The following FAM114A1 variants were observed in gnomAD, a reference collection of about 807,000 sequenced individuals.
FAM114A1 encodes the protein family with sequence similarity 114 member A1, also known as protein NOXP20.
In FAM114A1, 62 loss-of-function variants were observed where a neutral mutation model predicts 64.3. That is an observed-to-expected ratio of 0.96 (90% CI 0.79 to 1.19). FAM114A1 has a LOEUF of 1.19. Ranked by LOEUF, FAM114A1 falls within the 50% of genes most tolerant of loss-of-function variation. FAM114A1 has a pLI of 0.00. For missense variants in FAM114A1, 645 were observed against 676.3 expected, an observed-to-expected ratio of 0.95 and a Z score of 0.51; for synonymous variants, 254 against 251.1, an observed-to-expected ratio of 1.01 and a Z score of -0.11.
intron 4 of FAM114A1, 117 bp downstream of exon 4, chr4:38,891,947 T>C (rs1716452503): frequency 2.5e-6 from 2 of 790,648 alleles, no homozygotes; most frequent in Admixed American, 6.9e-5. Context: ...AAACCATGTT[T>C]AGTGCTTACT....
chr4:38,877,972 A>AG, intron 2 of FAM114A1, 99 bp from the exon 3 acceptor site: 7 of 1,071,504 alleles, frequency 6.5e-6, no homozygotes, highest in Non-Finnish European at 7.9e-6. Flanking sequence ...CTCAAAAAAA[A>AG]AAAAAAAGTT....
intron 6 of FAM114A1, among the ~76,000 whole-genome samples, chr4:38,906,736 C>T (rs1352129738): frequency 2.6e-5 from 4 of 152,032 alleles, no homozygotes; most frequent in African/African-American, 7.2e-5. Context: ...GGTTTCACCA[C>T]GTTGGCCAGG....
Position 38,943,692 on chromosome 4 carries a change from A to G in FAM114A1, c.*135A>G. 1.7e-6 allele frequency: 1 copy of G among 589,600 alleles called. No individual in the cohort carries two copies. Among genetic ancestry groups the G allele is most frequent in the Non-Finnish European group, 3.1e-6 (1 of 327,702 alleles). 36.5% of individuals were successfully genotyped at this position (589,600 alleles called of 1,614,324 possible). On this transcript the variant is annotated 3_prime_UTR_variant, in exon 15 of 15. Coordinates refer to ENST00000358869, the MANE Select transcript of FAM114A1 (RefSeq NM_138389.4). ...CACTACAAGCAATTTTGCACAGACAATATTGAGAATGCAAATTTAGAGAGA... is the reference window on the plus strand; with the variant it reads ...CACTACAAGCAATTTTGCACAGACAGTATTGAGAATGCAAATTTAGAGAGA...
Position 38,908,685 on chromosome 4 carries a change from C to T in FAM114A1, c.751C>T (p.Arg251Trp), listed in dbSNP as rs1030815119. 9 of 1,612,692 alleles carry T rather than the reference C, an allele frequency of 5.6e-6. No individual in the cohort carries two copies. Among genetic ancestry groups the T allele is most frequent in the Non-Finnish European group, 7.6e-6 (9 of 1,178,946 alleles). The stretch of plus-strand genomic sequence containing the variant: ...TGCAGAAAGTGACCCGGGCTTTAAG[C>T]GGACCAAGACGCTCATGGAGAGAAC... Reference protein sequence around the residue: ...VLAESDPGFKRTKTLMERTVS... With the variant: ...VLAESDPGFKWTKTLMERTVS... The change falls in exon 7 of 15, where the codon CGG becomes TGG. Residue 251 changes from arginine to tryptophan, a missense_variant. By Grantham distance (101) the Arg-to-Trp change is moderately radical. Coordinates refer to ENST00000358869, the MANE Select transcript of FAM114A1 (RefSeq NM_138389.4).
intron 12 of FAM114A1, among the ~76,000 whole-genome samples, chr4:38,934,577 G>C (rs1262749648): frequency 1.3e-5 from 2 of 152,036 alleles, no homozygotes; most frequent in Non-Finnish European, 2.9e-5. Context: ...CTATTCATGA[G>C]TGCTGTATGC....
Position 38,931,454 on chromosome 4 carries a change from A to C in FAM114A1, c.1165A>C (p.Met389Leu). The C allele has an allele frequency of 6.2e-7, 1 of 1,609,376 alleles. No individual in the cohort carries two copies. The highest frequency in any genetic ancestry group is 1.1e-5 in the South Asian group (1 of 89,946). ...AATPDKLNKAMKRAHDWVEED... is the reference protein window; with the variant it reads ...AATPDKLNKALKRAHDWVEED... ...GTTTGGTTGGGGACCTCTGCAGGCC[A>C]TGAAGAGGGCTCATGACTGGGTGGA... Residue 389 changes from methionine (M) to leucine (L), a missense_variant, in exon 11 of 15, where the codon ATG becomes CTG. Met to Leu is a conservative substitution (Grantham distance 15). Transcript: ENST00000358869.
In FAM114A1 at chr4:38,886,421, T is replaced by G. The variant is rs956338901; in HGVS notation, c.349-5322T>G. On this transcript the variant is annotated intron_variant, in intron 3 of 14. Transcript: ENST00000358869. ...CCTGACCTCAGGTGATTTGCCCACC[T>G]TGGCCTCCCAAAGTGCTGGGTTTAC... Among the ~76,000 whole-genome samples the G allele has an allele frequency of 4.6e-5, 7 of 151,620 alleles. No individual in the cohort carries two copies. In the East Asian group the frequency reaches 1.4e-3, roughly 30 times the overall value.
chr4:38,885,360 T>C (rs1330280185), intron 3 of FAM114A1, among the ~76,000 whole-genome samples: 1 of 152,168 alleles, frequency 6.6e-6, no homozygotes, highest in African/African-American at 2.4e-5. Context: ...ACTGCAGTCT[T>C]GAACTCTTGC....
At chr4:38,893,768 A>C (rs1239923028) in intron 4 of FAM114A1, among the ~76,000 whole-genome samples, 1 of 152,144 alleles carries the variant, frequency 6.6e-6, no homozygotes, top group Non-Finnish European at 1.5e-5. Context: ...TGACCTTTGC[A>C]CACATGCAGC....
In FAM114A1 at chr4:38,945,197, T is replaced by G. The variant is rs1721877145; in HGVS notation, c.*1640T>G. 1 of 152,262 alleles carries G rather than the reference T, an allele frequency of 6.6e-6. No homozygotes were observed. Among genetic ancestry groups the G allele is most frequent in the Non-Finnish European group, 1.5e-5 (1 of 68,042 alleles). 9.4% of individuals were successfully genotyped at this position (152,262 alleles called of 1,614,324 possible). On this transcript the variant is annotated 3_prime_UTR_variant, in exon 15 of 15. Transcript: ENST00000358869. ...ACAGTAGAATCCCAGGACTGCATTTTAAAATCGCCTCACAGATCACACTCG... is the reference window on the plus strand; with the variant it reads ...ACAGTAGAATCCCAGGACTGCATTTGAAAATCGCCTCACAGATCACACTCG...
chr4:38,894,507 C>A (rs1716722413), intron 4 of FAM114A1, among the ~76,000 whole-genome samples: 1 of 152,162 alleles, frequency 6.6e-6, no homozygotes, highest in African/African-American at 2.4e-5. Context: ...AATGTCAGCA[C>A]CATCTACTGG....
rs180888835 is a variant in FAM114A1, at chr4:38,924,181, A to G, written c.1069+1288A>G. Among the ~76,000 whole-genome samples, 38 of 152,318 alleles carry G rather than the reference A, an allele frequency of 2.5e-4. 1 individual carries two copies. Among genetic ancestry groups the G allele is most frequent in the Admixed American group, 2.1e-3 (32 of 15,308 alleles). On this transcript the variant is annotated intron_variant, in intron 9 of 14. Transcript: ENST00000358869. ...GACAATGATATATATATCAGGTTCA[A>G]GAGCTGTTGTAGGGGGTCATGTTAG...
In FAM114A1 at chr4:38,932,289, G is replaced by T. The variant is rs376329022; in HGVS notation, c.1378G>T (p.Glu460Ter). ...GGCGGAGGTAACAGCGCGCTGTATT[G>T]AGCAGCTTCATAAAGTAGCAGAATT... ...SLAEVTARCI[E>*]QLHKVAELIL... The change falls in exon 12 of 15, where the codon GAG becomes TAG. Residue 460 changes from glutamate to a stop codon, truncating the protein, a stop_gained. Coordinates refer to ENST00000358869, the MANE Select transcript of FAM114A1 (RefSeq NM_138389.4). LOFTEE classifies it high-confidence loss of function. 1.2e-6 allele frequency: 2 copies of T among 1,613,834 alleles called. No individual in the cohort carries two copies. Among genetic ancestry groups the T allele is most frequent in the Non-Finnish European group, 1.7e-6 (2 of 1,179,998 alleles).
At chr4:38,927,669 T>G (rs965757083) in intron 9 of FAM114A1, among the ~76,000 whole-genome samples, 2 of 152,112 alleles carry the variant, frequency 1.3e-5, no homozygotes, top group East Asian at 3.8e-4. Context: ...TGTTATTTAC[T>G]TATCTGTTTT....
chr4:38,943,696 T>C lies in FAM114A1; in HGVS notation c.*139T>C. ...ACAAGCAATTTTGCACAGACAATAT[T>C]GAGAATGCAAATTTAGAGAGAGTTA... On this transcript the variant is annotated 3_prime_UTR_variant, in exon 15 of 15. Coordinates refer to ENST00000358869, the MANE Select transcript of FAM114A1 (RefSeq NM_138389.4). 1.7e-6 allele frequency: 1 copy of C among 577,832 alleles called. No individual in the cohort carries two copies. The highest frequency in any genetic ancestry group is 2.5e-5 in the South Asian group (1 of 40,370). 35.8% of individuals were successfully genotyped at this position (577,832 alleles called of 1,614,324 possible).
intron 8 of FAM114A1, among the ~76,000 whole-genome samples, chr4:38,917,141 T>C (rs1267479193): frequency 7.1e-6 from 1 of 141,008 alleles, no homozygotes; most frequent in East Asian, 2.0e-4. Flanking sequence ...CCATCTCTAC[T>C]AAAAATACAA....
intron 3 of FAM114A1, among the ~76,000 whole-genome samples, chr4:38,880,115 GAATAGAATAGAATAGAA>G: frequency 1.2e-5 from 1 of 80,858 alleles, no homozygotes; most frequent in African/African-American, 4.7e-5. Flanking sequence ...GAGTAGAATA[GAATAGAATAGAATAGAA>G]TAGAATAGAA....
At chr4:38,904,186 C>T (rs571324329) in intron 4 of FAM114A1, among the ~76,000 whole-genome samples, 33 of 152,258 alleles carry the variant, frequency 2.2e-4, no homozygotes, top group Middle Eastern at 3.4e-3. Context: ...TCATTTTCTC[C>T]GTGAGTGCTC....
intron 11 of FAM114A1, 105 bp downstream of exon 11, chr4:38,931,717 C>T: frequency 3.3e-6 from 4 of 1,226,012 alleles, no homozygotes; most frequent in South Asian, 1.7e-5. Flanking sequence ...TCATTTGTTC[C>T]GTGTTATAGA....
Sources: gnomAD v4.1 joint callset for allele counts (sites outside exome capture counted in the v4.1 genomes callset) on GRCh38, gnomAD v4.1.1 for gene constraint, MANE v1.5 for transcripts, NCBI Gene and HGNC (gene_info 2026-07-23, HGNC 2026-07-21) for gene names.